The following WDR64 variants were observed in gnomAD, a reference collection of about 807,000 sequenced individuals.
WDR64 encodes the protein WD repeat-containing protein 64.
WDR64 carries 112 observed loss-of-function variants against 139.3 expected under a neutral mutation model. The ratio of observed to expected loss-of-function variants is 0.80; its 90% CI spans 0.69 to 0.94. The LOEUF (loss-of-function observed/expected upper bound fraction) is 0.94. Ranked by LOEUF, WDR64 falls within the 40% of genes least tolerant of loss-of-function variation. WDR64 has a pLI of 0.00. For synonymous variants in WDR64, 444 were observed against 437.7 expected, an observed-to-expected ratio of 1.01 and a Z score of -0.18; for missense variants, 1,206 against 1,293.1, an observed-to-expected ratio of 0.93 and a Z score of 1.03.
At chr1:241,746,409 T>G (rs1190350434) in intron 13 of WDR64, among the ~76,000 whole-genome samples, 2 of 152,112 alleles carry the variant, frequency 1.3e-5, no homozygotes, top group African/African-American at 4.8e-5. Context: ...CTGTTTATCA[T>G]CCCTCTGGCC....
Position 241,703,956 on chromosome 1 carries a change from C to A in WDR64, c.975-7846C>A, listed in dbSNP as rs888408794. ...AACACAAGAACAACACGGGAGAAGC[C>A]GCCCCCATGAACCAATCACCTCCCA... On this transcript the variant is annotated intron_variant, in intron 8 of 27. Transcript: ENST00000437684. This position sits in a 1 kb window ranked among gnomAD's most constrained non-coding sequence, Gnocchi z 5.9. Among the ~76,000 whole-genome samples, 2 of 152,148 alleles carry A rather than the reference C, an allele frequency of 1.3e-5. No homozygotes were observed. The highest frequency in any genetic ancestry group is 4.8e-5 in the African/African-American group (2 of 41,432).
intron 9 of WDR64, among the ~76,000 whole-genome samples, chr1:241,716,324 C>A (rs1189977833): frequency 2.7e-5 from 4 of 148,896 alleles, no homozygotes; most frequent in African/African-American, 7.4e-5. Context: ...GAGTGTTTAC[C>A]AAGAAAACCT....
At chr1:241,670,339 C>T (rs939483181) in intron 2 of WDR64, among the ~76,000 whole-genome samples, 4 of 150,786 alleles carry the variant, frequency 2.7e-5, no homozygotes, top group Non-Finnish European at 5.9e-5. Flanking sequence ...ACTCCCCCAA[C>T]AGGGATAAAG....
chr1:241,768,300 T>C (rs764093537), intron 16 of WDR64, among the ~76,000 whole-genome samples: 1 of 152,198 alleles, frequency 6.6e-6, no homozygotes, highest in Non-Finnish European at 1.5e-5. Flanking sequence ...TTGCAAAACA[T>C]ATGATTTAGC....
intron 8 of WDR64, among the ~76,000 whole-genome samples, chr1:241,699,256 G>C (rs1667613651): frequency 1.3e-5 from 2 of 152,106 alleles, no homozygotes; most frequent in Admixed American, 6.6e-5. Flanking sequence ...ACTAAGATTG[G>C]TGAGGGTTAC....
chr1:241,712,020 C>A, intron 9 of WDR64, 139 bp downstream of exon 9: 2 of 830,456 alleles, frequency 2.4e-6, no homozygotes, highest in South Asian at 1.7e-5. Context: ...TTCTTTCTGG[C>A]GTCTGGATTT....
rs575927858 is a variant in WDR64 at position 241,775,296 on chromosome 1, T to C, written c.2536+86T>C. 39 of 1,035,452 alleles carry C rather than the reference T, an allele frequency of 3.8e-5. No individual in the cohort carries two copies. In the African/African-American group the frequency reaches 5.1e-4, roughly 14 times the overall value. 64.1% of individuals were successfully genotyped at this position (1,035,452 alleles called of 1,614,324 possible). The stretch of plus-strand genomic sequence containing the variant: ...ATGGCTTTAGGAAAAATACATGGTA[T>C]ATGGTGAAACAAAAGAGAGACTAAG... On this transcript the variant is annotated intron_variant, in intron 21 of 27. Transcript: ENST00000437684.
At chr1:241,767,910 G>A (rs986344193) in intron 16 of WDR64, among the ~76,000 whole-genome samples, 2 of 152,060 alleles carry the variant, frequency 1.3e-5, no homozygotes, top group Non-Finnish European at 2.9e-5. Flanking sequence ...CATGCCCCCA[G>A]CCTTTTCTCA....
At chr1:241,728,360 A>G (rs998094682) in intron 10 of WDR64, among the ~76,000 whole-genome samples, 1 of 151,996 alleles carries the variant, frequency 6.6e-6, no homozygotes, top group African/African-American at 2.4e-5. Context: ...AAAAAAAAGC[A>G]AACTAGGCAC....
chr1:241,787,930 C>A lies in WDR64; in HGVS notation c.2787C>A (p.Phe929Leu). Reference protein sequence around the residue: ...RLFELSQTRDFILPCDVTEYP... With the variant: ...RLFELSQTRDLILPCDVTEYP... Reference sequence around the variant, plus strand: ...TTGAATTATCACAGACAAGAGATTTCATTTTGCCTTGTGATGTTACTGAAT... The same window carrying A: ...TTGAATTATCACAGACAAGAGATTTAATTTTGCCTTGTGATGTTACTGAAT... Residue 929 changes from phenylalanine to leucine, a missense_variant, in exon 24 of 28, where the codon TTC becomes TTA. Phe to Leu is a conservative substitution (Grantham distance 22, BLOSUM62 0). Transcript: ENST00000437684. 6.2e-7 allele frequency: 1 copy of A among 1,612,662 alleles called. No homozygotes were observed. The highest frequency in any genetic ancestry group is 8.5e-7 in the Non-Finnish European group (1 of 1,179,456).
At chr1:241,670,090 T>G (rs1666165502) in intron 2 of WDR64, among the ~76,000 whole-genome samples, 1 of 152,218 alleles carries the variant, frequency 6.6e-6, no homozygotes. Context: ...TACATAATTA[T>G]TTTTAAGTTC....
intron 9 of WDR64, among the ~76,000 whole-genome samples, chr1:241,715,317 A>T (rs1185038162): frequency 6.6e-6 from 1 of 152,200 alleles, no homozygotes; most frequent in Non-Finnish European, 1.5e-5. Context: ...GAAGTGGGAT[A>T]CTTTCAGAAA....
At chr1:241,714,716 T>C (rs1159392303) in intron 9 of WDR64, among the ~76,000 whole-genome samples, 1 of 152,208 alleles carries the variant, frequency 6.6e-6, no homozygotes, top group African/African-American at 2.4e-5. Flanking sequence ...GATAATATAG[T>C]AGCCTATTGG....
chr1:241,685,928 C>G (rs1666987261), intron 7 of WDR64, among the ~76,000 whole-genome samples: 1 of 152,160 alleles, frequency 6.6e-6, no homozygotes, highest in Non-Finnish European at 1.5e-5. Context: ...TGTGTGCCAC[C>G]TGTCAGAAAA....
intron 2 of WDR64, among the ~76,000 whole-genome samples, chr1:241,669,742 A>G (rs1666152353): frequency 1.3e-5 from 2 of 152,240 alleles, no homozygotes; most frequent in South Asian, 4.1e-4. Context: ...AAATATTAAT[A>G]TAATGTTAAG....
intron 25 of WDR64, among the ~76,000 whole-genome samples, chr1:241,794,800 C>G (rs1189173579): frequency 6.6e-6 from 1 of 152,112 alleles, no homozygotes; most frequent in African/African-American, 2.4e-5. Flanking sequence ...AGCCACCGTG[C>G]CCGGCCGCTT....
Position 241,660,549 on chromosome 1 carries a change from G to A in WDR64, c.165G>A (p.Lys55=). ...ATGCAGATGCAATTGGTTATGACAA[G>A]TTTTATGCATCGGTACAGAAGCTCT... ...IHKEDAIGYD[K]FYASVQKLFG... The change falls in exon 2 of 28, where the codon AAG becomes AAA. Residue 55 remains lysine, a synonymous_variant. Coordinates refer to ENST00000437684, the MANE Select transcript of WDR64 (RefSeq NM_001367482.1). The A allele has an allele frequency of 1.3e-6, 2 of 1,551,762 alleles. No individual in the cohort carries two copies. Among genetic ancestry groups the A allele is most frequent in the Non-Finnish European group, 8.7e-7 (1 of 1,146,822 alleles).
At chr1:241,668,153 T>G (rs1024513992) in intron 2 of WDR64, among the ~76,000 whole-genome samples, 1 of 152,196 alleles carries the variant, frequency 6.6e-6, no homozygotes, top group Non-Finnish European at 1.5e-5. Context: ...TGTACTTGTC[T>G]GAATGCTGAA....
At chr1:241,768,769 T>C (rs1398809181) in intron 16 of WDR64, among the ~76,000 whole-genome samples, 2 of 152,162 alleles carry the variant, frequency 1.3e-5, no homozygotes, top group South Asian at 2.1e-4. Context: ...TTAGGGACTA[T>C]TCCCCTGTTC....
Sources: allele counts gnomAD v4.1 joint callset (sites outside exome capture counted in the v4.1 genomes callset), GRCh38; gene constraint gnomAD v4.1.1; non-coding constraint Gnocchi (gnomAD v3.1); transcripts MANE v1.5; gene names NCBI Gene and HGNC (gene_info 2026-07-23, HGNC 2026-07-21).